Variants in SDK1 observed in about 807,000 individuals in gnomAD.
SDK1 encodes the protein sidekick cell adhesion molecule 1.
Under a neutral mutation model 245.5 loss-of-function variants are expected in SDK1, and 157 were observed. The ratio of observed to expected loss-of-function variants is 0.64; its 90% CI spans 0.56 to 0.73. The LOEUF (loss-of-function observed/expected upper bound fraction) is 0.73. Ranked by LOEUF, SDK1 falls within the 30% of genes least tolerant of loss-of-function variation. SDK1 has a pLI of 0.00. For missense variants in SDK1, 3,583 were observed against 3,002.3 expected (o/e 1.19, Z -4.52); for synonymous variants, 1,647 against 1,278.5 (o/e 1.29, Z -6.15).
At chr7:4,028,423 G>A (rs558584335) in intron 17 of SDK1, among the ~76,000 whole-genome samples, 15 of 152,316 alleles carry the variant, frequency 9.8e-5, no homozygotes, top group South Asian at 4.1e-4. Context: ...ACATCACCAC[G>A]TGTGCAGGCA....
At chr7:3,590,044 A>G (rs1417189416) in intron 1 of SDK1, among the ~76,000 whole-genome samples, 1 of 152,170 alleles carries the variant, frequency 6.6e-6, no homozygotes, top group African/African-American at 2.4e-5. Context: ...TGATTGGAAA[A>G]TTAGTTTTCC....
At position 4,245,703 on chromosome 7, in the gene SDK1, C is replaced by G. The variant is rs754896749; in HGVS notation, c.6279C>G (p.Gly2093=). Reference sequence around the variant, plus strand: ...CCCCACCCCGGCCTAGCCCCGGCGGCCTGCACTACTCAGACGAGGACATCT... The same window carrying G: ...CCCCACCCCGGCCTAGCCCCGGCGGGCTGCACTACTCAGACGAGGACATCT... ...TRSPPRPSPG[G]LHYSDEDICN... The change falls in exon 44 of 45, where the codon GGC becomes GGG. Residue 2093 remains glycine (G), a synonymous_variant. Coordinates refer to ENST00000404826, the MANE Select transcript of SDK1 (RefSeq NM_152744.4). The G allele has an allele frequency of 1.2e-6, 2 of 1,614,100 alleles. No homozygotes were observed. Among genetic ancestry groups the G allele is most frequent in the Middle Eastern group, 1.6e-4 (1 of 6,062 alleles).
At chr7:4,136,698 C>T (rs192751689) in intron 28 of SDK1, among the ~76,000 whole-genome samples, 156 of 152,380 alleles carry the variant, frequency 1.0e-3, no homozygotes, top group African/African-American at 3.7e-3. Context: ...CGTGATGATG[C>T]GTGAGCTCTT....
chr7:3,434,686 T>C (rs1779968972), intron 1 of SDK1, among the ~76,000 whole-genome samples: 1 of 152,202 alleles, frequency 6.6e-6, no homozygotes, highest in Non-Finnish European at 1.5e-5. Context: ...TGGATGGTTT[T>C]AACCAGTTCT....
chr7:3,708,803 T>C (rs1784955492), intron 4 of SDK1, among the ~76,000 whole-genome samples: 1 of 152,286 alleles, frequency 6.6e-6, no homozygotes, highest in Non-Finnish European at 1.5e-5. Flanking sequence ...ACATGTCAAG[T>C]GAGTCTCTTG....
At chr7:4,103,829 C>T (rs1179292208) in intron 22 of SDK1, among the ~76,000 whole-genome samples, 2 of 152,222 alleles carry the variant, frequency 1.3e-5, no homozygotes, top group African/African-American at 4.8e-5. Context: ...TGGTGCGCTC[C>T]AGCAGGGCTT....
chr7:3,381,491 G>C (rs1781486067), intron 1 of SDK1, among the ~76,000 whole-genome samples: 2 of 152,156 alleles, frequency 1.3e-5, no homozygotes. Flanking sequence ...GGACAGAGAG[G>C]GGGCGGGGAA....
chr7:3,506,836 T>C (rs1020207101), intron 1 of SDK1, among the ~76,000 whole-genome samples: 6 of 149,826 alleles, frequency 4.0e-5, no homozygotes, highest in African/African-American at 7.4e-5. Flanking sequence ...CATGTCTTGT[T>C]TTTTTTTTTA....
intron 1 of SDK1, among the ~76,000 whole-genome samples, chr7:3,408,807 C>G (rs1016701220): frequency 6.6e-6 from 1 of 152,184 alleles, no homozygotes; most frequent in Non-Finnish European, 1.5e-5. Flanking sequence ...TGTATGCTCA[C>G]CCTTATTCAC....
intron 4 of SDK1, among the ~76,000 whole-genome samples, chr7:3,718,337 A>C (rs969748077): frequency 6.6e-6 from 1 of 151,322 alleles, no homozygotes; most frequent in Non-Finnish European, 1.5e-5. Context: ...CCTGTCTCAA[A>C]AAAATAATAA....
chr7:3,318,209 T>C (rs914440631), intron 1 of SDK1, among the ~76,000 whole-genome samples: 3 of 152,206 alleles, frequency 2.0e-5, no homozygotes, highest in African/African-American at 7.2e-5. Flanking sequence ...GGGTATACCT[T>C]GTTACAAACA....
chr7:3,563,047 TGAGTG>T (rs1340345689), intron 1 of SDK1, among the ~76,000 whole-genome samples: 1 of 152,118 alleles, frequency 6.6e-6, no homozygotes, highest in Middle Eastern at 3.2e-3. Context: ...TTACCGTTAT[TGAGTG>T]GAGGAGAAAC....
intron 5 of SDK1, among the ~76,000 whole-genome samples, chr7:3,916,406 G>A (rs553565204): frequency 6.6e-6 from 1 of 152,322 alleles, no homozygotes; most frequent in African/African-American, 2.4e-5. Context: ...TTCCCCTTTG[G>A]CACAGTGAGT....
At chr7:4,169,042 C>T (rs1781672449) in intron 32 of SDK1, among the ~76,000 whole-genome samples, 1 of 152,112 alleles carries the variant, frequency 6.6e-6, no homozygotes, top group African/African-American at 2.4e-5. Flanking sequence ...TGGGTGAGAG[C>T]CATTAGCGGG....
chr7:3,809,868 G>C (rs926494501), intron 4 of SDK1, among the ~76,000 whole-genome samples: 1 of 152,140 alleles, frequency 6.6e-6, no homozygotes, highest in South Asian at 2.1e-4. Context: ...CATTTGACTT[G>C]TCAGGAATCG....
intron 1 of SDK1, among the ~76,000 whole-genome samples, chr7:3,605,136 A>AAAG (rs1341744160): frequency 0.022 from 3,074 of 139,006 alleles, 115 homozygotes; most frequent in African/African-American, 0.076. Flanking sequence ...GAGGAAAAAA[A>AAAG]AAACAAGAAA....
chr7:3,485,871 T>C (rs1312520948), intron 1 of SDK1, among the ~76,000 whole-genome samples: 1 of 151,916 alleles, frequency 6.6e-6, no homozygotes, highest in African/African-American at 2.4e-5. Flanking sequence ...AAAAATCTTA[T>C]TCTTTGTCCC....
At chr7:3,646,064 G>T (rs1032626427) in intron 4 of SDK1, among the ~76,000 whole-genome samples, 8 of 152,044 alleles carry the variant, frequency 5.3e-5, no homozygotes, top group Admixed American at 1.3e-4. Flanking sequence ...TCACCATGCT[G>T]GCCAGGCTGG....
intron 1 of SDK1, among the ~76,000 whole-genome samples, chr7:3,340,208 G>A (rs1001345925): frequency 1.3e-5 from 2 of 151,968 alleles, no homozygotes; most frequent in African/African-American, 4.8e-5. Flanking sequence ...CCTCAGAGAT[G>A]TGGCGGATTT....
Sources: gnomAD v4.1 joint callset for allele counts (sites outside exome capture counted in the v4.1 genomes callset) on GRCh38, gnomAD v4.1.1 for gene constraint, MANE v1.5 for transcripts, NCBI Gene and HGNC (gene_info 2026-07-23, HGNC 2026-07-21) for gene names.